SYBU: variants seen among roughly 807,000 people sequenced by gnomAD.
SYBU encodes GOLSYN A protein.
A neutral mutation model predicts 35.9 loss-of-function variants in SYBU; 21 were observed. The ratio of observed to expected loss-of-function variants is 0.58; its 90% CI spans 0.41 to 0.84. SYBU has a LOEUF of 0.84. Among genes scored for constraint, SYBU ranks in the 40% least tolerant of loss-of-function variants. The probability of loss-of-function intolerance (pLI) is 0.00; values close to 1 mark genes in which losing one functional copy is unlikely to be tolerated. For missense variants in SYBU, 768 were observed against 848.2 expected (o/e 0.91, Z 1.17); for synonymous variants, 319 against 324.3 (o/e 0.98, Z 0.18).
upstream of SYBU, among the ~76,000 whole-genome samples, chr8:109,682,673 T>C (rs1563780116): frequency 6.6e-6 from 1 of 152,190 alleles, no homozygotes; most frequent in Non-Finnish European, 1.5e-5. Context: ...CTGCAGAAAT[T>C]TGCACAAGTA....
At chr8:109,609,099 C>G (rs1443788854) in intron 3 of SYBU, among the ~76,000 whole-genome samples, 1 of 152,204 alleles carries the variant, frequency 6.6e-6, no homozygotes, top group East Asian at 1.9e-4. Flanking sequence ...GTCCACTCTA[C>G]CTCAATGTCT....
chr8:109,667,241 C>G (rs767764103), intron 1 of SYBU, among the ~76,000 whole-genome samples: 1 of 151,934 alleles, frequency 6.6e-6, no homozygotes, highest in Admixed American at 6.5e-5. Flanking sequence ...CTCAGCCTCC[C>G]GAGTAGCTGG....
At chr8:109,619,434 C>T (rs569951988) in intron 2 of SYBU, among the ~76,000 whole-genome samples, 1 of 151,870 alleles carries the variant, frequency 6.6e-6, no homozygotes, top group Non-Finnish European at 1.5e-5. Context: ...ACCATGTTGG[C>T]CAGGCTGGTC....
chr8:109,647,919 T>G (rs1158058320), upstream of SYBU: 1 of 152,200 alleles, frequency 6.6e-6, no homozygotes, highest in African/African-American at 2.4e-5. Context: ...AGCCTGTTTT[T>G]CCACTGTTCT....
chr8:109,611,409 G>C (rs1311917222), intron 3 of SYBU, among the ~76,000 whole-genome samples: 1 of 151,996 alleles, frequency 6.6e-6, no homozygotes, highest in Non-Finnish European at 1.5e-5. Context: ...TGGGAGAAAG[G>C]CATGAGAGAA....
chr8:109,629,263 A>G (rs924416375), intron 2 of SYBU, among the ~76,000 whole-genome samples: 1 of 152,254 alleles, frequency 6.6e-6, no homozygotes, highest in African/African-American at 2.4e-5. Flanking sequence ...AGAACAGACC[A>G]AATCAGTGAT....
intron 1 of SYBU, among the ~76,000 whole-genome samples, chr8:109,678,692 G>C (rs1302389324): frequency 2.6e-5 from 4 of 152,070 alleles, no homozygotes; most frequent in African/African-American, 7.2e-5. Context: ...ACCCGCCTCG[G>C]CCTCCCAAAG....
intron 4 of SYBU, chr8:109,581,058 T>C: frequency 6.6e-6 from 1 of 152,194 alleles, no homozygotes; most frequent in East Asian, 1.9e-4. Context: ...CCTAGGCCAG[T>C]GTAGGCACAC....
At chr8:109,681,435 T>A (rs973067410), upstream of SYBU, among the ~76,000 whole-genome samples, 2 of 152,182 alleles carry the variant, frequency 1.3e-5, no homozygotes, top group African/African-American at 4.8e-5. Context: ...ATAGGAAAAA[T>A]TTAATTTCAA....
At chr8:109,684,814 A>G (rs144705400), upstream of SYBU, among the ~76,000 whole-genome samples, 2,209 of 152,218 alleles carry the variant, frequency 0.015, 52 homozygotes, top group African/African-American at 0.05. Context: ...AACCCAAAGG[A>G]TGGCTCTGGC....
intron 3 of SYBU, among the ~76,000 whole-genome samples, chr8:109,594,171 G>A (rs953571883): frequency 1.5e-4 from 23 of 152,158 alleles, no homozygotes; most frequent in East Asian, 1.9e-4. Flanking sequence ...TGCTGGGTGC[G>A]GAGCAGGGGT....
Position 109,618,978 on chromosome 8 carries a change from T to C in SYBU, c.291A>G (p.Gly97=). The stretch of plus-strand genomic sequence containing the variant: ...CAGGGCAAAAGCCAATGGGGCTGTT[T>C]CCAGCATCTGAGGGTGTCTTCACAG... ...VSPVKTPSDA[G]NSPIGFCPGS... is the part of the protein sequence containing the mutation. The change falls in exon 3 of 7, where the codon GGA becomes GGG. Residue 97 remains glycine (G), a synonymous_variant. Transcript: ENST00000276646. The C allele has an allele frequency of 6.2e-7, 1 of 1,614,196 alleles. No homozygotes were observed. Among genetic ancestry groups the C allele is most frequent in the Non-Finnish European group, 8.5e-7 (1 of 1,180,004 alleles).
rs1186047859 is a variant in SYBU, at chr8:109,575,189, G to C, written c.1709C>G (p.Ala570Gly). Residue 570 changes from alanine (A) to glycine (G), a missense_variant, in exon 7 of 7, where the codon GCA becomes GGA. Ala to Gly is a moderately conservative substitution (Grantham distance 60, BLOSUM62 0). Transcript: ENST00000276646. ...ATCCAGCTCTCTCATGAGGCGGTTT[G>C]CATGAACTTCTGCATCCACATTGGC... is the stretch of plus-strand genomic sequence containing the variant. ...PYANVDAEVH[A>G]NRLMRELDFA... 6.2e-7 allele frequency: 1 copy of C among 1,614,218 alleles called. No homozygotes were observed. The highest frequency in any genetic ancestry group is 1.7e-5 in the Admixed American group (1 of 60,028).
intron 3 of SYBU, among the ~76,000 whole-genome samples, chr8:109,606,008 T>C (rs1446327779): frequency 1.3e-5 from 2 of 152,218 alleles, no homozygotes; most frequent in Admixed American, 6.5e-5. Context: ...AACAATTTCA[T>C]ATATATACAT....
At chr8:109,589,122 T>C (rs2129776352) in intron 3 of SYBU, among the ~76,000 whole-genome samples, 1 of 152,230 alleles carries the variant, frequency 6.6e-6, no homozygotes, top group Non-Finnish European at 1.5e-5. Context: ...ATCATGCCAC[T>C]GCACTCCAGC....
intron 1 of SYBU, among the ~76,000 whole-genome samples, chr8:109,678,442 T>A (rs935342003): frequency 1.8e-4 from 26 of 141,950 alleles, no homozygotes; most frequent in Middle Eastern, 3.5e-3. Flanking sequence ...ACCTTTTTTT[T>A]TTTTTTTTTT....
intron 3 of SYBU, among the ~76,000 whole-genome samples, chr8:109,610,062 C>G (rs1810998175): frequency 6.6e-6 from 1 of 152,134 alleles, no homozygotes; most frequent in Non-Finnish European, 1.5e-5. Context: ...CCTTTCCTAA[C>G]TCACCGCTCT....
At chr8:109,595,678 A>G (rs1824790106) in intron 3 of SYBU, among the ~76,000 whole-genome samples, 1 of 152,220 alleles carries the variant, frequency 6.6e-6, no homozygotes, top group East Asian at 1.9e-4. Flanking sequence ...ATTTACAACA[A>G]TTCAGGACTG....
intron 2 of SYBU, among the ~76,000 whole-genome samples, chr8:109,622,522 C>T (rs1458315144): frequency 6.6e-5 from 10 of 152,124 alleles, no homozygotes; most frequent in Non-Finnish European, 1.3e-4. Flanking sequence ...TATGAGCCAG[C>T]GTGCCTGGCC....
Sources: allele counts gnomAD v4.1 joint callset (sites outside exome capture counted in the v4.1 genomes callset), GRCh38; gene constraint gnomAD v4.1.1; transcripts MANE v1.5; gene names NCBI Gene and HGNC (gene_info 2026-07-23, HGNC 2026-07-21).